Variants in CNTNAP2 observed in about 807,000 individuals in gnomAD.
CNTNAP2 encodes contactin-associated protein-like 2.
A neutral mutation model predicts 155.2 loss-of-function variants in CNTNAP2; 98 were observed. The observed-to-expected ratio is 0.63, with a 90% confidence interval of 0.54 to 0.75. The LOEUF is 0.75. Among genes scored for constraint, CNTNAP2 ranks in the 30% least tolerant of loss-of-function variants. The probability of loss-of-function intolerance (pLI) is 0.00; values close to 1 mark genes in which losing one functional copy is unlikely to be tolerated. For missense variants in CNTNAP2, 1,727 were observed against 1,688.1 expected, an observed-to-expected ratio of 1.02 and a Z score of -0.40; for synonymous variants, 651 against 631.2, an observed-to-expected ratio of 1.03 and a Z score of -0.47.
intron 21 of CNTNAP2, among the ~76,000 whole-genome samples, chr7:148,312,502 A>C (rs12536297): frequency 0.088 from 13,346 of 152,182 alleles, 646 homozygotes; most frequent in African/African-American, 0.12. Flanking sequence ...GCTGGGATGA[A>C]GGGTGCAAAG....
chr7:147,599,808 GTTATCT>G (rs1219241701), intron 12 of CNTNAP2, among the ~76,000 whole-genome samples: 1 of 152,090 alleles, frequency 6.6e-6, no homozygotes, highest in African/African-American at 2.4e-5. Flanking sequence ...ACTCTAACAT[GTTATCT>G]TAATTTGATT....
chr7:148,085,505 T>A (rs981040484), intron 15 of CNTNAP2, among the ~76,000 whole-genome samples: 1 of 152,130 alleles, frequency 6.6e-6, no homozygotes, highest in African/African-American at 2.4e-5. Flanking sequence ...CCCCTCTAAG[T>A]GCTGTATCTG....
At chr7:146,572,268 T>C (rs1385073181) in intron 1 of CNTNAP2, among the ~76,000 whole-genome samples, 3 of 35,648 alleles carry the variant, frequency 8.4e-5, no homozygotes, top group Non-Finnish European at 1.9e-4. Context: ...TGTTGTCTTT[T>C]TTTTTTTTTT....
Position 147,687,372 on chromosome 7 carries a change from G to A in CNTNAP2, c.2098+48066G>A, listed in dbSNP as rs145016699. ...TATGGGCTCATTCACAGGTCAGTCT[G>A]TGAATATTGTGATGAAGGCTTTGGG... On this transcript the variant is annotated intron_variant, in intron 13 of 23. Coordinates refer to ENST00000361727, the MANE Select transcript of CNTNAP2 (RefSeq NM_014141.6). Among the ~76,000 whole-genome samples, 555 of 152,240 alleles carry A rather than the reference G, an allele frequency of 3.6e-3. 3 individuals carry two copies. The highest frequency in any genetic ancestry group is 0.013 in the African/African-American group (522 of 41,564).
chr7:148,224,505 G>A (rs903245639), intron 19 of CNTNAP2, among the ~76,000 whole-genome samples: 2 of 152,138 alleles, frequency 1.3e-5, no homozygotes, highest in African/African-American at 4.8e-5. Context: ...GTAGCAGGAG[G>A]AATGCACATC....
intron 1 of CNTNAP2, among the ~76,000 whole-genome samples, chr7:146,226,739 G>A (rs973061043): frequency 1.3e-5 from 2 of 152,092 alleles, no homozygotes; most frequent in African/African-American, 4.8e-5. Flanking sequence ...TAGGTTGAGA[G>A]ATGAGGGTAA....
intron 13 of CNTNAP2, among the ~76,000 whole-genome samples, chr7:147,700,739 T>C (rs373630129): frequency 3.9e-4 from 60 of 152,324 alleles, no homozygotes; most frequent in Non-Finnish European, 7.6e-4. Context: ...AAAGCTGATA[T>C]AAGAGTGGTG....
At chr7:147,839,549 G>A (rs1001207931) in intron 13 of CNTNAP2, among the ~76,000 whole-genome samples, 5 of 152,062 alleles carry the variant, frequency 3.3e-5, no homozygotes, top group Admixed American at 2.0e-4. Context: ...TTAGGTCAGG[G>A]TTTCTTATTT....
At chr7:147,488,872 C>T (rs1798556115) in intron 11 of CNTNAP2, among the ~76,000 whole-genome samples, 1 of 152,182 alleles carries the variant, frequency 6.6e-6, no homozygotes, top group African/African-American at 2.4e-5. Context: ...TAACAGTGCT[C>T]ACCTCTTCAA....
intron 18 of CNTNAP2, among the ~76,000 whole-genome samples, chr7:148,213,045 G>T (rs949909739): frequency 1.3e-5 from 2 of 152,134 alleles, no homozygotes; most frequent in African/African-American, 4.8e-5. Flanking sequence ...GCCTTGGAAT[G>T]GCTGTCTCCA....
intron 11 of CNTNAP2, among the ~76,000 whole-genome samples, chr7:147,558,693 GTTCT>G (rs879299816): frequency 1.3e-3 from 157 of 124,962 alleles, no homozygotes; most frequent in African/African-American, 3.1e-3. Context: ...TCCTTCGTTC[GTTCT>G]TTCCTTCCTT....
intron 1 of CNTNAP2, among the ~76,000 whole-genome samples, chr7:146,619,470 A>G (rs1799282338): frequency 6.6e-6 from 1 of 152,208 alleles, no homozygotes; most frequent in African/African-American, 2.4e-5. Flanking sequence ...GTTGAATTTA[A>G]TTATTCAAGT....
intron 10 of CNTNAP2, among the ~76,000 whole-genome samples, chr7:147,409,989 A>T (rs1251059702): frequency 6.6e-6 from 1 of 152,196 alleles, no homozygotes; most frequent in African/African-American, 2.4e-5. Flanking sequence ...GTGGAATACA[A>T]TGTGGTAATT....
intron 1 of CNTNAP2, among the ~76,000 whole-genome samples, chr7:146,424,544 T>C (rs915528126): frequency 6.6e-6 from 1 of 152,180 alleles, no homozygotes; most frequent in African/African-American, 2.4e-5. Flanking sequence ...ATATGCCACA[T>C]TTCTAGTCTT....
intron 14 of CNTNAP2, among the ~76,000 whole-genome samples, chr7:147,911,529 G>A (rs1800067235): frequency 1.3e-5 from 2 of 152,194 alleles, no homozygotes; most frequent in South Asian, 4.1e-4. Flanking sequence ...AGCAGAAGTT[G>A]CAGCTGCACG....
intron 1 of CNTNAP2, among the ~76,000 whole-genome samples, chr7:146,548,911 CAG>C (rs1436753330): frequency 6.7e-6 from 1 of 148,584 alleles, no homozygotes; most frequent in African/African-American, 2.5e-5. Context: ...CTTTAGGTGT[CAG>C]AGTCATGAAA....
At chr7:147,246,490 G>T (rs1804072756) in intron 8 of CNTNAP2, among the ~76,000 whole-genome samples, 1 of 152,142 alleles carries the variant, frequency 6.6e-6, no homozygotes, top group Admixed American at 6.5e-5. Flanking sequence ...CCCATTTCTT[G>T]GTTAGTAGAG....
intron 2 of CNTNAP2, among the ~76,000 whole-genome samples, chr7:146,836,927 G>T (rs530979335): frequency 6.6e-6 from 1 of 151,762 alleles, no homozygotes; most frequent in South Asian, 2.1e-4. Context: ...CATCATGTCT[G>T]TTAGGTTGTT....
chr7:147,507,799 C>G (rs1798937690), intron 11 of CNTNAP2, among the ~76,000 whole-genome samples: 1 of 152,028 alleles, frequency 6.6e-6, no homozygotes, highest in South Asian at 2.1e-4. Context: ...GATCGGCCTG[C>G]CTCGTCCTCC....
Sources: gnomAD v4.1 joint callset for allele counts (sites outside exome capture counted in the v4.1 genomes callset) on GRCh38, gnomAD v4.1.1 for gene constraint, MANE v1.5 for transcripts, NCBI Gene and HGNC (gene_info 2026-07-23, HGNC 2026-07-21) for gene names.